PHF20: variants seen among roughly 807,000 people sequenced by gnomAD.
PHF20 encodes glioma-expressed antigen 2.
In PHF20, 23 loss-of-function variants were observed where a neutral mutation model predicts 113.5. The ratio of observed to expected loss-of-function variants is 0.20; its 90% CI spans 0.15 to 0.29. The LOEUF is 0.29. Ranked by LOEUF, PHF20 falls within the 10% of genes least tolerant of loss-of-function variation. PHF20 has a pLI of 1.00. For synonymous variants in PHF20, 434 were observed against 457.3 expected (o/e 0.95, Z 0.65); for missense variants, 943 against 1,219.6 (o/e 0.77, Z 3.38).
At chr20:35,803,170 T>A (rs186039234) in intron 2 of PHF20, among the ~76,000 whole-genome samples, 26 of 150,468 alleles carry the variant, frequency 1.7e-4, no homozygotes, top group Non-Finnish European at 2.8e-4. Flanking sequence ...GAGAATCACT[T>A]GAACCTGGGA....
chr20:35,889,183 CTT>C (rs1414137815), intron 9 of PHF20, among the ~76,000 whole-genome samples: 1 of 150,524 alleles, frequency 6.6e-6, no homozygotes, highest in Non-Finnish European at 1.5e-5. Context: ...GCTCAGCTAA[CTT>C]TTGTATTTTT....
intron 15 of PHF20, among the ~76,000 whole-genome samples, chr20:35,938,192 T>C (rs2055903079): frequency 6.6e-6 from 1 of 152,060 alleles, no homozygotes; most frequent in Non-Finnish European, 1.5e-5. Flanking sequence ...TTAATGCTGG[T>C]CAGTTGTGCA....
chr20:35,778,735 A>C (rs2041224131), intron 1 of PHF20, among the ~76,000 whole-genome samples: 1 of 151,252 alleles, frequency 6.6e-6, no homozygotes. Context: ...CCTGGGCAAC[A>C]AGAGTGAAAC....
At chr20:35,900,439 CA>C (rs2055072291) in intron 10 of PHF20, among the ~76,000 whole-genome samples, 2 of 152,168 alleles carry the variant, frequency 1.3e-5, no homozygotes, top group South Asian at 4.1e-4. Flanking sequence ...GGTTTCAGGA[CA>C]GGGGCAGAGC....
At chr20:35,820,223 A>C (rs1049397473) in intron 2 of PHF20, among the ~76,000 whole-genome samples, 2 of 152,128 alleles carry the variant, frequency 1.3e-5, no homozygotes, top group African/African-American at 4.8e-5. Context: ...GAGAATAGTT[A>C]ATTTCATATG....
intron 2 of PHF20, among the ~76,000 whole-genome samples, chr20:35,815,926 T>C (rs2042065474): frequency 6.6e-6 from 1 of 152,126 alleles, no homozygotes. Flanking sequence ...CCCCTCCAGC[T>C]TTATTGAGAT....
At chr20:35,777,928 A>C (rs1364249171) in intron 1 of PHF20, among the ~76,000 whole-genome samples, 1 of 152,190 alleles carries the variant, frequency 6.6e-6, no homozygotes, top group East Asian at 1.9e-4. Flanking sequence ...GTTCTTTGAG[A>C]GCACCTGATT....
At chr20:35,793,338 C>T (rs2041596531) in intron 1 of PHF20, among the ~76,000 whole-genome samples, 1 of 149,310 alleles carries the variant, frequency 6.7e-6, no homozygotes, top group Admixed American at 6.7e-5. Context: ...CTCGCTCTGT[C>T]ACCCAGGCTG....
intron 9 of PHF20, among the ~76,000 whole-genome samples, chr20:35,885,053 C>T (rs558675246): frequency 2.0e-5 from 3 of 152,182 alleles, no homozygotes; most frequent in African/African-American, 4.8e-5. Flanking sequence ...AAGCTGGTCT[C>T]GAACTCCTGA....
intron 9 of PHF20, among the ~76,000 whole-genome samples, chr20:35,883,401 C>T (rs188616119): frequency 1.7e-3 from 258 of 152,252 alleles, no homozygotes; most frequent in Non-Finnish European, 2.8e-3. Flanking sequence ...TAGAGTGGCA[C>T]ACTTCCTAAT....
At chr20:35,915,157 T>G (rs1015752337) in intron 12 of PHF20, among the ~76,000 whole-genome samples, 3 of 149,932 alleles carry the variant, frequency 2.0e-5, no homozygotes, top group Admixed American at 1.3e-4. Flanking sequence ...TGTTACAAAG[T>G]CCTGCTGGCA....
chr20:35,916,853 G>A lies in PHF20; in HGVS notation c.1826-631G>A, dbSNP rs374809834. ...CATAGCTCACTGCAGCCTCAAACTCGCAGGCTCAAGGGATCCTCCTGCCTC... is the reference window on the plus strand; with the variant it reads ...CATAGCTCACTGCAGCCTCAAACTCACAGGCTCAAGGGATCCTCCTGCCTC... On this transcript the variant is annotated intron_variant, in intron 12 of 17. Coordinates refer to ENST00000374012, the MANE Select transcript of PHF20 (RefSeq NM_016436.5). Among the ~76,000 whole-genome samples the A allele has an allele frequency of 1.2e-4, 18 of 152,006 alleles. No homozygotes were observed. The East Asian group carries it at 3.1e-3, about 26-fold the overall frequency.
chr20:35,778,890 A>G (rs1005986137), intron 1 of PHF20, among the ~76,000 whole-genome samples: 2 of 152,150 alleles, frequency 1.3e-5, no homozygotes, highest in Non-Finnish European at 2.9e-5. Flanking sequence ...GAAATCCTGT[A>G]CAATTTTAGA....
Position 35,789,859 on chromosome 20 carries a change from C to G in PHF20, c.-32-11632C>G, listed in dbSNP as rs1211469946. ...TGGCGCCCAGCCCCCGCCCCCCCCC[C>G]CCCCTTTTTTTTTATACACAGTTTT... On this transcript the variant is annotated intron_variant, in intron 1 of 17. Coordinates refer to ENST00000374012, the MANE Select transcript of PHF20 (RefSeq NM_016436.5). Among the ~76,000 whole-genome samples the G allele has an allele frequency of 2.4e-5, 3 of 122,540 alleles. 1 individual carries two copies. Among genetic ancestry groups the G allele is most frequent in the African/African-American group, 9.3e-5 (3 of 32,380 alleles). The allele number at this position is 122,540 out of a possible 152,430, so 80.4% of individuals were successfully genotyped here. A position where few individuals can be genotyped will look rare whatever the true frequency, so the allele number is the denominator to read the frequency against.
chr20:35,784,733 A>C (rs1252539804), intron 1 of PHF20, among the ~76,000 whole-genome samples: 2 of 152,074 alleles, frequency 1.3e-5, no homozygotes, highest in Non-Finnish European at 2.9e-5. Flanking sequence ...CACTGCACTC[A>C]GTCCCTTGTT....
intron 2 of PHF20, among the ~76,000 whole-genome samples, chr20:35,826,857 G>A (rs1180017096): frequency 6.6e-6 from 1 of 152,146 alleles, no homozygotes; most frequent in Non-Finnish European, 1.5e-5. Flanking sequence ...AAATGATTGA[G>A]ATAGAGAGGA....
intron 9 of PHF20, among the ~76,000 whole-genome samples, chr20:35,872,777 T>C (rs951883960): frequency 6.6e-6 from 1 of 152,190 alleles, no homozygotes; most frequent in African/African-American, 2.4e-5. Context: ...GATTTCAATC[T>C]TTTTATATTT....
chr20:35,796,155 AT>A (rs74398354), intron 1 of PHF20, among the ~76,000 whole-genome samples: 1,514 of 148,944 alleles, frequency 0.01, 17 homozygotes, highest in East Asian at 0.041. Context: ...CAGACTATAC[AT>A]TTTTTTTTTA....
chr20:35,804,350 C>T (rs1034080911), intron 2 of PHF20, among the ~76,000 whole-genome samples: 3 of 151,300 alleles, frequency 2.0e-5, no homozygotes, highest in African/African-American at 7.3e-5. Context: ...TCTCCTGCCT[C>T]AGCCTCCCGA....
Sources: gnomAD v4.1 joint callset for allele counts (sites outside exome capture counted in the v4.1 genomes callset) on GRCh38, gnomAD v4.1.1 for gene constraint, MANE v1.5 for transcripts, NCBI Gene and HGNC (gene_info 2026-07-23, HGNC 2026-07-21) for gene names.